ITPRID2: variants seen among roughly 807,000 people sequenced by gnomAD.
ITPRID2 encodes ITPR interacting domain containing 2.
In ITPRID2, 60 loss-of-function variants were observed where a neutral mutation model predicts 124.3. The ratio of observed to expected loss-of-function variants is 0.48; its 90% CI spans 0.39 to 0.60. The LOEUF is 0.60. ITPRID2 is among the 20% of genes least tolerant of loss of function. The probability of loss-of-function intolerance (pLI) is 0.00; values close to 1 mark genes in which losing one functional copy is unlikely to be tolerated. For missense variants in ITPRID2, 1,553 were observed against 1,512.2 expected (o/e 1.03, Z -0.45); for synonymous variants, 521 against 542.9 (o/e 0.96, Z 0.56).
intron 4 of ITPRID2, among the ~76,000 whole-genome samples, chr2:181,897,722 A>G (rs1461109379): frequency 6.6e-6 from 1 of 152,026 alleles, no homozygotes; most frequent in Non-Finnish European, 1.5e-5. Flanking sequence ...AGGATTTTTA[A>G]AAAGTCTTTA....
chr2:181,928,254 G>A lies in ITPRID2; in HGVS notation c.3769G>A (p.Asp1257Asn), dbSNP rs752259927. ...AAGTAAAGCGTCTAATTCTAAGCAA[G>A]ATTATCATTAAACAGAAATTATAGG... is the stretch of plus-strand genomic sequence containing the variant. Reference protein sequence around the residue: ...SSSKASNSKQDYH With the variant: ...SSSKASNSKQNYH Residue 1257 changes from aspartate to asparagine, a missense_variant, in exon 17 of 18, where the codon GAT becomes AAT. Transcript: ENST00000431877. 2 of 1,539,508 alleles carry A rather than the reference G, an allele frequency of 1.3e-6. No homozygotes were observed. The highest frequency in any genetic ancestry group is 4.2e-5 in the Admixed American group (2 of 48,186).
chr2:181,918,751 C>T lies in ITPRID2; in HGVS notation c.2866-4C>T. 6.2e-7 allele frequency: 1 copy of T among 1,613,842 alleles called. No individual in the cohort carries two copies. The highest frequency in any genetic ancestry group is 8.5e-7 in the Non-Finnish European group (1 of 1,179,930). ...AAGTGTAATTTTGTTATATTGCATT[C>T]TAGAATACTTTTCAGGAGCTCCAGG... On this transcript the variant is annotated splice_polypyrimidine_tract_variant and splice_region_variant and intron_variant, in intron 12 of 17. Transcript: ENST00000431877.
rs1158879712 is a variant in ITPRID2, at chr2:181,930,728, T to A, written c.*1181T>A. ...ATATATTAAAACAATAAAGTATTTA[T>A]TTTGCCTAAAGTGTTTTAGTGGTTT... On this transcript the variant is annotated 3_prime_UTR_variant, in exon 18 of 18. Coordinates refer to ENST00000431877, the MANE Select transcript of ITPRID2 (RefSeq NM_001130445.3). The A allele has an allele frequency of 6.6e-6, 1 of 152,428 alleles. No homozygotes were observed. The highest frequency in any genetic ancestry group is 6.5e-5 in the Admixed American group (1 of 15,276). The allele number at this position is 152,428 out of a possible 1,614,324, so 9.4% of individuals were successfully genotyped here.
chr2:181,895,227 C>T (rs1299562169), intron 2 of ITPRID2, among the ~76,000 whole-genome samples: 1 of 151,916 alleles, frequency 6.6e-6, no homozygotes, highest in Non-Finnish European at 1.5e-5. Context: ...GTGTGCATCA[C>T]AAAACAGACC....
rs1693049609 is a variant in ITPRID2, at chr2:181,905,598, T to C, written c.1413+3132T>C. 6.6e-6 allele frequency among the ~76,000 whole-genome samples: 1 copy of C among 152,212 alleles called. No homozygotes were observed. Among genetic ancestry groups the C allele is most frequent in the Non-Finnish European group, 1.5e-5 (1 of 68,022 alleles). The stretch of plus-strand genomic sequence containing the variant: ...AGGAGAACTTTTATCTCAGCATTTC[T>C]GTAAGAAGTTGACTGTGTGGTCTTC... On this transcript the variant is annotated intron_variant, in intron 8 of 17. Transcript: ENST00000431877. This position sits in a 1 kb window ranked among gnomAD's most constrained non-coding sequence, Gnocchi z 4.1.
At chr2:181,895,976 A>G (rs958921216) in intron 2 of ITPRID2, 54 bp from the exon 3 acceptor site, 14 of 1,507,234 alleles carry the variant, frequency 9.3e-6, no homozygotes, top group Middle Eastern at 1.7e-4. Flanking sequence ...TGTAATGACA[A>G]CTTTCCAAAT....
At chr2:181,904,618 T>G (rs1253266407) in intron 8 of ITPRID2, among the ~76,000 whole-genome samples, 1 of 152,250 alleles carries the variant, frequency 6.6e-6, no homozygotes, top group Non-Finnish European at 1.5e-5. Flanking sequence ...AGTTTGTTGC[T>G]ATTTTTCTTT....
chr2:181,918,935 T>C, intron 13 of ITPRID2, 53 bp downstream of exon 13: 1 of 1,589,126 alleles, frequency 6.3e-7, no homozygotes, highest in Non-Finnish European at 8.5e-7. Context: ...ATTCAAAGTC[T>C]TCTCAACTTA....
Position 181,892,080 on chromosome 2 carries a change from T to C in ITPRID2, c.14T>C (p.Leu5Pro). MDRP[L>P]SSSAEAEEEL... is the part of the protein sequence containing the mutation. ...CCCAGTGCGGCCATGGACCGGCCCCTGTCGTCGTCGGCGGAGGCGGAGGAG... is the reference window on the plus strand; with the variant it reads ...CCCAGTGCGGCCATGGACCGGCCCCCGTCGTCGTCGGCGGAGGCGGAGGAG... Residue 5 changes from leucine (L) to proline (P), a missense_variant, in exon 1 of 18, where the codon CTG (leucine) becomes CCG (proline). Coordinates refer to ENST00000431877, the MANE Select transcript of ITPRID2 (RefSeq NM_001130445.3). This position sits in a 1 kb window ranked among gnomAD's most constrained non-coding sequence, Gnocchi z 5.2. 1.3e-6 allele frequency: 2 copies of C among 1,552,992 alleles called. No individual in the cohort carries two copies. Among genetic ancestry groups the C allele is most frequent in the Non-Finnish European group, 1.7e-6 (2 of 1,149,224 alleles).
intron 7 of ITPRID2, 149 bp from the exon 8 acceptor site, chr2:181,901,617 T>G: frequency 1.9e-6 from 1 of 513,762 alleles, no homozygotes; most frequent in African/African-American, 2.0e-5. Context: ...GTAGAGAAGG[T>G]TTAAGTGTTA....
chr2:181,920,621 G>T lies in ITPRID2; in HGVS notation c.3169G>T (p.Asp1057Tyr). Residue 1057 changes from aspartate (D) to tyrosine (Y), a missense_variant, in exon 15 of 18, where the codon GAT becomes TAT. By Grantham distance (160) the Asp-to-Tyr change is radical (BLOSUM62 -3). Transcript: ENST00000431877. ...LMGMCGSRSA[D>Y]NLSCPSPLNV... ...GGGAATGTGTGGCAGTAGAAGCGCT[G>T]ATAACTTGTCATGCCCTTCTCCATT... 6.2e-7 allele frequency: 1 copy of T among 1,613,438 alleles called. No individual in the cohort carries two copies. Among genetic ancestry groups the T allele is most frequent in the Non-Finnish European group, 8.5e-7 (1 of 1,179,660 alleles).
chr2:181,915,731 A>C lies in ITPRID2; in HGVS notation c.2091A>C (p.Arg697Ser). 6.2e-7 allele frequency: 1 copy of C among 1,614,108 alleles called. No homozygotes were observed. The highest frequency in any genetic ancestry group is 2.2e-5 in the East Asian group (1 of 44,884). Residue 697 changes from arginine to serine, a missense_variant, in exon 11 of 18, where the codon AGA becomes AGC. Coordinates refer to ENST00000431877, the MANE Select transcript of ITPRID2 (RefSeq NM_001130445.3). ...ACAGAGTTAATACAGCTTTGCAAAG[A>C]GCTCAAATGAAGGTTTGCAGTCTGT... Reference protein sequence around the residue: ...SMDRVNTALQRAQMKVCSLSN... With the variant: ...SMDRVNTALQSAQMKVCSLSN...
chr2:181,918,871 TGAG>T lies in ITPRID2; in HGVS notation c.2989_2991del (p.Glu997del), dbSNP rs768263121. On this transcript the variant is annotated inframe_deletion, in exon 13 of 18. Coordinates refer to ENST00000431877, the MANE Select transcript of ITPRID2 (RefSeq NM_001130445.3). ...AAACCATGGTTTATCATCATATGACTGAGGAGGAGAGGTAAAAGTTCATTTTGT... is the reference window on the plus strand; with the variant it reads ...AAACCATGGTTTATCATCATATGACTGAGGAGAGGTAAAAGTTCATTTTGT... 13 of 1,613,970 alleles carry T rather than the reference TGAG, an allele frequency of 8.1e-6. No homozygotes were observed. The highest frequency in any genetic ancestry group is 1.7e-5 in the Admixed American group (1 of 59,996).
chr2:181,928,337 C>T, intron 17 of ITPRID2, 59 bp downstream of exon 17: 2 of 1,076,390 alleles, frequency 1.9e-6, no homozygotes, highest in Admixed American at 2.7e-5. Flanking sequence ...GCATTTTATT[C>T]TTTGTTTTGT....
rs1192400504 is a variant in ITPRID2 at position 181,905,321 on chromosome 2, T to C, written c.1413+2855T>C. Among the ~76,000 whole-genome samples the C allele has an allele frequency of 1.3e-5, 2 of 152,156 alleles. No homozygotes were observed. The highest frequency in any genetic ancestry group is 4.8e-5 in the African/African-American group (2 of 41,442). On this transcript the variant is annotated intron_variant, in intron 8 of 17. Transcript: ENST00000431877. This position sits in a 1 kb window ranked among gnomAD's most constrained non-coding sequence, Gnocchi z 4.1. ...ACCTCGGCCTCCCAAAATGCTGGGATTACAGGTGTGAGCCACCACACCCAG... is the reference window on the plus strand; with the variant it reads ...ACCTCGGCCTCCCAAAATGCTGGGACTACAGGTGTGAGCCACCACACCCAG...
intron 16 of ITPRID2, 65 bp downstream of exon 16, chr2:181,922,477 TATTA>T (rs1409151947): frequency 5.9e-6 from 8 of 1,344,962 alleles, no homozygotes; most frequent in East Asian, 2.5e-5. Flanking sequence ...TTTGTCTGAA[TATTA>T]ATTATTTACA....
chr2:181,914,801 G>C (rs1477597879), intron 10 of ITPRID2, among the ~76,000 whole-genome samples: 1 of 152,172 alleles, frequency 6.6e-6, no homozygotes, highest in Admixed American at 6.5e-5. Flanking sequence ...TCTTGGAGAG[G>C]ATATGATCAG....
intron 2 of ITPRID2, chr2:181,893,717 T>C (rs554297196): frequency 6.6e-6 from 1 of 152,344 alleles, no homozygotes; most frequent in South Asian, 2.1e-4. Context: ...CTGCTTGAAG[T>C]CCTTGGACCC....
intron 9 of ITPRID2, among the ~76,000 whole-genome samples, chr2:181,911,888 C>T (rs1440408645): frequency 1.3e-5 from 2 of 152,156 alleles, no homozygotes; most frequent in South Asian, 2.1e-4. Flanking sequence ...CCCAGGCCTC[C>T]TTGTTTTACC....
Sources: gnomAD v4.1 joint callset for allele counts (sites outside exome capture counted in the v4.1 genomes callset) on GRCh38, gnomAD v4.1.1 for gene constraint, Gnocchi (gnomAD v3.1) non-coding constraint, MANE v1.5 for transcripts, NCBI Gene and HGNC (gene_info 2026-07-23, HGNC 2026-07-21) for gene names.